The following ZFPM1 variants were observed in gnomAD, a reference collection of about 807,000 sequenced individuals.
ZFPM1 encodes zinc finger protein ZFPM1.
ZFPM1 carries 28 observed loss-of-function variants against 46.3 expected under a neutral mutation model. That is an observed-to-expected ratio of 0.60 (90% CI 0.45 to 0.83). The LOEUF (loss-of-function observed/expected upper bound fraction) is 0.83. Among genes scored for constraint, ZFPM1 ranks in the 40% least tolerant of loss-of-function variants. The pLI is 0.00. For missense variants in ZFPM1, 1,878 were observed against 1,432.4 expected, an observed-to-expected ratio of 1.31 and a Z score of -5.02; for synonymous variants, 957 against 675.9, an observed-to-expected ratio of 1.42 and a Z score of -6.45.
intron 3 of ZFPM1, among the ~76,000 whole-genome samples, chr16:88,490,528 C>T (rs1465831679): frequency 6.6e-6 from 1 of 152,192 alleles, no homozygotes; most frequent in Non-Finnish European, 1.5e-5. Context: ...GGCAGAGGGA[C>T]CACATTCCTT....
chr16:88,522,612 G>A (rs1423617380), intron 4 of ZFPM1, among the ~76,000 whole-genome samples: 1 of 152,234 alleles, frequency 6.6e-6, no homozygotes, highest in Non-Finnish European at 1.5e-5. Context: ...ATGGCTATCG[G>A]TGCCACCGCA....
chr16:88,479,288 G>A (rs571516880), intron 1 of ZFPM1, among the ~76,000 whole-genome samples: 8 of 152,246 alleles, frequency 5.3e-5, no homozygotes, highest in Admixed American at 1.3e-4. Context: ...TCTGTGCTTC[G>A]GTTTCCCTGC....
At chr16:88,500,705 G>C (rs979175934) in intron 3 of ZFPM1, among the ~76,000 whole-genome samples, 1 of 152,186 alleles carries the variant, frequency 6.6e-6, no homozygotes, top group Non-Finnish European at 1.5e-5. Flanking sequence ...GGGGCCTGTT[G>C]TGCCCTGTTC....
Position 88,534,496 on chromosome 16 carries a change from C to T in ZFPM1, c.2538C>T (p.Pro846=). ...KKYSCPAAPP[P]GALGLPAAAC... is the part of the protein sequence containing the mutation. ...ACTCGTGCCCCGCTGCGCCACCGCC[C>T]GGCGCGCTCGGCCTGCCCGCCGCCG... The change falls in exon 10 of 10, where the codon CCC becomes CCT. Residue 846 remains proline, a synonymous_variant. Coordinates refer to ENST00000319555, the MANE Select transcript of ZFPM1 (RefSeq NM_153813.3). 2.7e-6 allele frequency: 4 copies of T among 1,463,658 alleles called. No homozygotes were observed. The highest frequency in any genetic ancestry group is 2.4e-5 in the Admixed American group (1 of 42,238). The allele number at this position is 1,463,658 out of a possible 1,614,324, so 90.7% of individuals were successfully genotyped here.
chr16:88,526,010 A>C lies in ZFPM1; in HGVS notation c.403-804A>C, dbSNP rs575685912. On this transcript the variant is annotated intron_variant, in intron 4 of 9. Transcript: ENST00000319555. ...TTCCCAGGCCTCAGTTTCCTCACCC[A>C]TGAGATGGAGAGGAGGGTACTGCCT... is the stretch of plus-strand genomic sequence containing the variant. Among the ~76,000 whole-genome samples, 7 of 152,224 alleles carry C rather than the reference A, an allele frequency of 4.6e-5. 1 individual carries two copies. Among genetic ancestry groups the C allele is most frequent in the Admixed American group, 4.6e-4 (7 of 15,306 alleles).
intron 2 of ZFPM1, 131 bp downstream of exon 2, chr16:88,486,174 C>A (rs940457184): frequency 5.1e-6 from 5 of 970,956 alleles, no homozygotes; most frequent in Non-Finnish European, 6.1e-6. Context: ...GGACAGGCGT[C>A]TTCCAGCCAG....
rs1911283958 is a variant in ZFPM1 at position 88,516,177 on chromosome 16, G to A, written c.402+1657G>A. On this transcript the variant is annotated intron_variant, in intron 4 of 9. Transcript: ENST00000319555. ...CAAATACCCAGGATCAAACAGCAGAGGGAGAAATAGAACCCACATCTGCCT... is the reference window on the plus strand; with the variant it reads ...CAAATACCCAGGATCAAACAGCAGAAGGAGAAATAGAACCCACATCTGCCT... 3 of 398,660 alleles carry A rather than the reference G, an allele frequency of 7.5e-6. No homozygotes were observed. The Admixed American group carries it at 1.3e-4, about 18-fold the overall frequency. 24.7% of individuals were successfully genotyped at this position (398,660 alleles called of 1,614,324 possible). A position where few individuals can be genotyped will look rare whatever the true frequency, so the allele number is the denominator to read the frequency against.
intron 4 of ZFPM1, among the ~76,000 whole-genome samples, chr16:88,525,055 G>A (rs1427993208): frequency 6.6e-6 from 1 of 152,254 alleles, no homozygotes; most frequent in Non-Finnish European, 1.5e-5. Context: ...CCTGAACCTT[G>A]CCTGAGTAGT....
At chr16:88,515,464 CGCCTAA>C (rs1911239810) in intron 4 of ZFPM1, among the ~76,000 whole-genome samples, 1 of 152,246 alleles carries the variant, frequency 6.6e-6, no homozygotes, top group Non-Finnish European at 1.5e-5. Flanking sequence ...GACACAGGGG[CGCCTAA>C]AGCTTCCTTT....
At chr16:88,461,984 C>T (rs1907914485) in intron 1 of ZFPM1, among the ~76,000 whole-genome samples, 1 of 152,234 alleles carries the variant, frequency 6.6e-6, no homozygotes, top group African/African-American at 2.4e-5. Context: ...ACTCAGCACC[C>T]CCAGGCCACC....
chr16:88,464,900 C>G (rs908224273), intron 1 of ZFPM1, among the ~76,000 whole-genome samples: 1 of 152,186 alleles, frequency 6.6e-6, no homozygotes, highest in Admixed American at 6.5e-5. Flanking sequence ...TCCCCACCAG[C>G]GATCCGCTGC....
chr16:88,495,683 C>T (rs1444432109), intron 3 of ZFPM1, among the ~76,000 whole-genome samples: 2 of 152,126 alleles, frequency 1.3e-5, no homozygotes, highest in Non-Finnish European at 2.9e-5. Flanking sequence ...CAGAGGCCCA[C>T]AGGACTTGCC....
In ZFPM1 at chr16:88,523,296, AAG is replaced by A. The variant is rs141195735; in HGVS notation, c.403-3517_403-3516del. Among the ~76,000 whole-genome samples the A allele has an allele frequency of 9.8e-3, 1,498 of 152,248 alleles. 12 individuals carry two copies. The highest frequency in any genetic ancestry group is 0.016 in the Non-Finnish European group (1,106 of 67,990). ...CAGGAAGGGCCTGCAGCACCAGAGA[AAG>A]GGCTTCTGTTCCAGGCTGATCAGAG... On this transcript the variant is annotated intron_variant, in intron 4 of 9. Coordinates refer to ENST00000319555, the MANE Select transcript of ZFPM1 (RefSeq NM_153813.3).
chr16:88,467,814 C>T (rs952599728), intron 1 of ZFPM1, among the ~76,000 whole-genome samples: 1 of 152,138 alleles, frequency 6.6e-6, no homozygotes, highest in Non-Finnish European at 1.5e-5. Context: ...TCTACTCTAC[C>T]ACCCTACAAC....
At chr16:88,526,305 G>A (rs1226175583) in intron 4 of ZFPM1, among the ~76,000 whole-genome samples, 1 of 152,200 alleles carries the variant, frequency 6.6e-6, no homozygotes, top group East Asian at 1.9e-4. Context: ...GTATCTTCTG[G>A]GCTAATCTCG....
At chr16:88,520,924 G>A (rs1443105283) in intron 4 of ZFPM1, among the ~76,000 whole-genome samples, 4 of 132,536 alleles carry the variant, frequency 3.0e-5, no homozygotes, top group Non-Finnish European at 4.9e-5. Flanking sequence ...TGGATGATTC[G>A]GTGGGTGGGT....
intron 4 of ZFPM1, among the ~76,000 whole-genome samples, chr16:88,518,077 C>T (rs1339926206): frequency 4.6e-5 from 7 of 151,962 alleles, no homozygotes; most frequent in African/African-American, 1.2e-4. Context: ...TGGTGGCGGG[C>T]GCCTGTAGCC....
rs796758732 is a variant in ZFPM1 at position 88,501,272 on chromosome 16, G to A, written c.268+12119G>A. 1.4e-3 allele frequency among the ~76,000 whole-genome samples: 122 copies of A among 85,450 alleles called. 8 individuals carry two copies. The highest frequency in any genetic ancestry group is 8.2e-3 in the Middle Eastern group (1 of 122). 56.1% of individuals were successfully genotyped at this position (85,450 alleles called of 152,430 possible). ...AGGTACTGGTGATGATGGAGATAGT[G>A]GGCCTGGGTGCGGGGGCCCTCCCGC... is the stretch of plus-strand genomic sequence containing the variant. On this transcript the variant is annotated intron_variant, in intron 3 of 9. Transcript: ENST00000319555.
intron 2 of ZFPM1, among the ~76,000 whole-genome samples, chr16:88,488,188 G>T (rs1479215181): frequency 6.6e-6 from 1 of 152,212 alleles, no homozygotes; most frequent in Non-Finnish European, 1.5e-5. Context: ...AGGGCGCCCT[G>T]ATGGAGGGGC....
Sources: gnomAD v4.1 joint callset for allele counts (sites outside exome capture counted in the v4.1 genomes callset) on GRCh38, gnomAD v4.1.1 for gene constraint, MANE v1.5 for transcripts, NCBI Gene and HGNC (gene_info 2026-07-23, HGNC 2026-07-21) for gene names.